Variants in SCHIP1 observed in about 807,000 individuals in gnomAD.
SCHIP1 encodes schwannomin interacting protein 1.
Under a neutral mutation model 29.7 loss-of-function variants are expected in SCHIP1, and 8 were observed. The observed-to-expected ratio is 0.27, with a 90% CI of 0.16 to 0.49. The LOEUF is 0.49. Among genes scored for constraint, SCHIP1 ranks in the 20% least tolerant of loss-of-function variants. The probability of loss-of-function intolerance (pLI) is 0.99; values close to 1 mark genes in which losing one functional copy is unlikely to be tolerated. For synonymous variants in SCHIP1, 76 were observed against 94.9 expected (o/e 0.80, Z 1.16); for missense variants, 193 against 294.6 (o/e 0.66, Z 2.52).
the SCHIP1 span, among the ~76,000 whole-genome samples, chr3:159,807,932 CA>C: frequency 6.6e-6 from 1 of 152,218 alleles, no homozygotes; most frequent in East Asian, 1.9e-4. Context: ...GTGCCCAAAG[CA>C]TAGCTAAACA....
the SCHIP1 span, among the ~76,000 whole-genome samples, chr3:159,311,946 A>G: frequency 6.6e-6 from 1 of 152,222 alleles, no homozygotes; most frequent in Admixed American, 6.5e-5. Flanking sequence ...GACATAAGCT[A>G]GCACTATCCC....
chr3:159,757,990 AT>A, the SCHIP1 span, among the ~76,000 whole-genome samples: 31 of 152,286 alleles, frequency 2.0e-4, no homozygotes, highest in African/African-American at 7.0e-4. Flanking sequence ...ATTTCATCTT[AT>A]ATTAGAGTCA....
At chr3:159,673,762 G>A in the SCHIP1 span, among the ~76,000 whole-genome samples, 1 of 152,012 alleles carries the variant, frequency 6.6e-6, no homozygotes, top group East Asian at 1.9e-4. Flanking sequence ...TTCCCACCAG[G>A]AAATGACTTA....
the SCHIP1 span, among the ~76,000 whole-genome samples, chr3:159,551,395 T>C: frequency 6.6e-6 from 1 of 152,218 alleles, no homozygotes; most frequent in Non-Finnish European, 1.5e-5. Flanking sequence ...AATGGCCTGC[T>C]GCGTAGCAGT....
the SCHIP1 span, among the ~76,000 whole-genome samples, chr3:159,434,750 T>C: frequency 6.6e-6 from 1 of 152,170 alleles, no homozygotes; most frequent in East Asian, 1.9e-4. Flanking sequence ...CTATTTTGTT[T>C]AGCCTGTAAT....
At chr3:159,641,654 G>C in the SCHIP1 span, among the ~76,000 whole-genome samples, 1 of 152,144 alleles carries the variant, frequency 6.6e-6, no homozygotes, top group South Asian at 2.1e-4. Flanking sequence ...ACGAATGTCT[G>C]ATATTTGCTT....
chr3:159,581,220 T>C, the SCHIP1 span, among the ~76,000 whole-genome samples: 1 of 151,982 alleles, frequency 6.6e-6, no homozygotes, highest in Non-Finnish European at 1.5e-5. Context: ...ACAGAGAAAA[T>C]AAGGCAAAAT....
the SCHIP1 span, among the ~76,000 whole-genome samples, chr3:159,508,380 G>A: frequency 2.6e-5 from 4 of 152,194 alleles, no homozygotes; most frequent in African/African-American, 9.6e-5. Flanking sequence ...TGTCTTGCTA[G>A]TGGTCTATAA....
chr3:159,421,335 C>A, the SCHIP1 span, among the ~76,000 whole-genome samples: 1 of 152,160 alleles, frequency 6.6e-6, no homozygotes, highest in Non-Finnish European at 1.5e-5. Flanking sequence ...CTGAACTTTA[C>A]AAACTTCAAA....
the SCHIP1 span, among the ~76,000 whole-genome samples, chr3:159,772,826 C>T: frequency 3.3e-5 from 5 of 152,226 alleles, no homozygotes; most frequent in South Asian, 4.2e-4. Context: ...CTGCAAACTC[C>T]GCCTCCCGGG....
At chr3:159,492,402 T>A in the SCHIP1 span, among the ~76,000 whole-genome samples, 1 of 152,112 alleles carries the variant, frequency 6.6e-6, no homozygotes, top group African/African-American at 2.4e-5. Context: ...AGAGAAGTCC[T>A]TAAAGGACCT....
chr3:159,782,934 G>A, the SCHIP1 span, among the ~76,000 whole-genome samples: 4 of 152,072 alleles, frequency 2.6e-5, no homozygotes, highest in Non-Finnish European at 4.4e-5. Context: ...CACATCTAGC[G>A]ATAGCTTCAT....
the SCHIP1 span, among the ~76,000 whole-genome samples, chr3:159,738,659 G>C: frequency 6.6e-6 from 1 of 152,194 alleles, no homozygotes. Context: ...GGCAATGGGG[G>C]TATAACAACA....
the SCHIP1 span, among the ~76,000 whole-genome samples, chr3:159,805,904 G>A: frequency 6.6e-6 from 1 of 151,544 alleles, no homozygotes; most frequent in Admixed American, 6.6e-5. Context: ...CGCCTCCCAG[G>A]TTCGAGCAAT....
the SCHIP1 span, among the ~76,000 whole-genome samples, chr3:159,720,438 T>C: frequency 6.6e-6 from 1 of 152,270 alleles, no homozygotes; most frequent in Admixed American, 6.5e-5. Context: ...GAGAACATCT[T>C]GCCCTTCTCA....
the SCHIP1 span, among the ~76,000 whole-genome samples, chr3:159,396,381 T>G: frequency 6.7e-6 from 1 of 148,162 alleles, no homozygotes; most frequent in Non-Finnish European, 1.5e-5. Context: ...AGCTGGTTAT[T>G]TTGCTCATTA....
intron 1 of SCHIP1, among the ~76,000 whole-genome samples, chr3:159,863,576 A>G (rs1266710247): frequency 6.6e-6 from 1 of 152,234 alleles, no homozygotes; most frequent in African/African-American, 2.4e-5. Context: ...TATGATCTCA[A>G]CTTTATAAAA....
chr3:159,519,645 A>G, the SCHIP1 span, among the ~76,000 whole-genome samples: 7 of 152,192 alleles, frequency 4.6e-5, no homozygotes, highest in African/African-American at 1.4e-4. Context: ...GTGCATTTCC[A>G]TTAATGGCTC....
the SCHIP1 span, among the ~76,000 whole-genome samples, chr3:159,450,787 A>C: frequency 4.0e-5 from 6 of 151,072 alleles, no homozygotes; most frequent in African/African-American, 1.5e-4. Flanking sequence ...CAAAATACCT[A>C]ACTTTCCACA....
Sources: gnomAD v4.1 joint callset for allele counts (sites outside exome capture counted in the v4.1 genomes callset) on GRCh38, gnomAD v4.1.1 for gene constraint, MANE v1.5 for transcripts, NCBI Gene and HGNC (gene_info 2026-07-23, HGNC 2026-07-21) for gene names.